The following COP1 variants were observed in gnomAD, a reference collection of about 807,000 sequenced individuals.
The protein encoded by COP1 is E3 ubiquitin-protein ligase COP1.
Under a neutral mutation model 101.3 loss-of-function variants are expected in COP1, and 24 were observed. The ratio of observed to expected loss-of-function variants is 0.24; its 90% confidence interval spans 0.17 to 0.33. COP1 has a LOEUF of 0.33. COP1 is among the 10% of genes least tolerant of loss of function. The probability of loss-of-function intolerance (pLI) is 1.00; values close to 1 mark genes in which losing one functional copy is unlikely to be tolerated. For synonymous variants in COP1, 347 were observed against 341.9 expected, an observed-to-expected ratio of 1.01 and a Z score of -0.17; for missense variants, 663 against 906.2, an observed-to-expected ratio of 0.73 and a Z score of 3.45.
chr1:176,093,695 C>A (rs1681780516), intron 9 of COP1, among the ~76,000 whole-genome samples: 1 of 152,088 alleles, frequency 6.6e-6, no homozygotes, highest in South Asian at 2.1e-4. Flanking sequence ...AAAAAATTAG[C>A]CAAATGTGGT....
intron 11 of COP1, among the ~76,000 whole-genome samples, chr1:176,061,577 G>C (rs1348461563): frequency 6.6e-6 from 1 of 152,090 alleles, no homozygotes; most frequent in South Asian, 2.1e-4. Flanking sequence ...AGTCAGCCGT[G>C]ATCACGCCAT....
chr1:176,009,877 T>G (rs1267934948), intron 15 of COP1, among the ~76,000 whole-genome samples: 22 of 103,624 alleles, frequency 2.1e-4, no homozygotes, highest in African/African-American at 4.1e-4. Flanking sequence ...TTAGGTTACT[T>G]GGGGGGGGGG....
At chr1:175,972,184 A>G (rs1285983368) in intron 18 of COP1, among the ~76,000 whole-genome samples, 3 of 152,232 alleles carry the variant, frequency 2.0e-5, no homozygotes, top group Admixed American at 6.5e-5. Context: ...AAGTCTAAAT[A>G]TAACAAGTAT....
chr1:175,962,892 T>C (rs1347669788), intron 18 of COP1, among the ~76,000 whole-genome samples: 1 of 152,204 alleles, frequency 6.6e-6, no homozygotes, highest in Non-Finnish European at 1.5e-5. Flanking sequence ...TACTAGAAGG[T>C]AGAAGTTAAT....
intron 14 of COP1, among the ~76,000 whole-genome samples, chr1:176,036,520 A>AAAC (rs1553232074): frequency 5.6e-5 from 8 of 143,762 alleles, no homozygotes; most frequent in African/African-American, 1.8e-4. Context: ...AAAAAAAAAA[A>AAAC]AAAAAAGCAT....
chr1:176,061,310 G>A (rs1035273744), intron 11 of COP1, among the ~76,000 whole-genome samples: 2 of 152,206 alleles, frequency 1.3e-5, no homozygotes, highest in Admixed American at 6.5e-5. Context: ...AGGAACAAGT[G>A]GGTATCTCTA....
intron 6 of COP1, 26 bp downstream of exon 6, chr1:176,148,980 T>C (rs1342835304): frequency 2.1e-6 from 3 of 1,405,430 alleles, no homozygotes; most frequent in Non-Finnish European, 2.9e-6. Flanking sequence ...AATAAAACAT[T>C]ATGTAAAACA....
At chr1:176,045,597 A>C (rs1671380198) in intron 12 of COP1, among the ~76,000 whole-genome samples, 1 of 151,546 alleles carries the variant, frequency 6.6e-6, no homozygotes, top group Non-Finnish European at 1.5e-5. Flanking sequence ...AAAAAAAAAA[A>C]AAGCAGATTC....
In COP1 at chr1:176,167,653, CA is replaced by C. The variant is rs200510116; in HGVS notation, c.566-3763del. On this transcript the variant is annotated intron_variant, in intron 3 of 19. Transcript: ENST00000367669. ...TACTAAGAACAAACATTTCTTAGTACAAAAAAAAATGCATTTTAATGCTAAA... is the reference window on the plus strand; with the variant it reads ...TACTAAGAACAAACATTTCTTAGTACAAAAAAAATGCATTTTAATGCTAAA... Among the ~76,000 whole-genome samples the C allele has an allele frequency of 4.7e-5, 7 of 150,470 alleles. No individual in the cohort carries two copies. In the South Asian group the frequency reaches 8.4e-4, roughly 18 times the overall value.
intron 11 of COP1, among the ~76,000 whole-genome samples, chr1:176,058,183 A>AGGG (rs1553244845): frequency 1.5e-3 from 171 of 113,938 alleles, no homozygotes; most frequent in Admixed American, 2.3e-3. Context: ...CCCGGTAGGG[A>AGGG]GGGGGGGGGT....
chr1:175,984,329 G>A (rs1398769024), intron 18 of COP1, among the ~76,000 whole-genome samples: 1 of 152,254 alleles, frequency 6.6e-6, no homozygotes, highest in African/African-American at 2.4e-5. Context: ...TGGCTTCAGA[G>A]GGTGCAAGCC....
intron 9 of COP1, chr1:176,100,176 G>C (rs1333694729): frequency 5.9e-6 from 1 of 170,622 alleles, no homozygotes; most frequent in Non-Finnish European, 1.3e-5. Flanking sequence ...TATCACCTGA[G>C]GTCAGGAGTT....
intron 11 of COP1, among the ~76,000 whole-genome samples, chr1:176,051,607 C>T (rs1368188293): frequency 6.6e-6 from 1 of 152,032 alleles, no homozygotes; most frequent in African/African-American, 2.4e-5. Flanking sequence ...AACTGTAAAG[C>T]AGCCGCAGGC....
At chr1:176,123,451 T>C (rs536345017) in intron 8 of COP1, among the ~76,000 whole-genome samples, 73 of 152,112 alleles carry the variant, frequency 4.8e-4, no homozygotes, top group Non-Finnish European at 9.4e-4. Context: ...AGTATATCTA[T>C]AATAATTAAA....
At chr1:176,147,702 T>G (rs192379874) in intron 6 of COP1, among the ~76,000 whole-genome samples, 1 of 152,272 alleles carries the variant, frequency 6.6e-6, no homozygotes, top group Non-Finnish European at 1.5e-5. Context: ...AAAAACACTA[T>G]GCCAAAGCTA....
At position 176,096,770 on chromosome 1, in the gene COP1, T is replaced by C. The variant is rs867019686; in HGVS notation, c.1027-10880A>G. Among the ~76,000 whole-genome samples, 14 of 152,350 alleles carry C rather than the reference T, an allele frequency of 9.2e-5. No homozygotes were observed. In the Middle Eastern group the frequency reaches 0.014, roughly 148 times the overall value. ...TTTAACTATGAAAAAGGATTTATAT[T>C]GGTCTTAAGCTGTAGCCAATCTGGT... On this transcript the variant is annotated intron_variant, in intron 9 of 19. Transcript: ENST00000367669.
intron 15 of COP1, among the ~76,000 whole-genome samples, chr1:176,023,473 C>G (rs1421663478): frequency 1.3e-5 from 2 of 152,142 alleles, no homozygotes; most frequent in African/African-American, 4.8e-5. Context: ...AATCCCAGCA[C>G]TTTGGGAGGC....
intron 1 of COP1, among the ~76,000 whole-genome samples, chr1:176,199,186 G>A (rs1217054783): frequency 1.3e-5 from 2 of 151,950 alleles, no homozygotes; most frequent in Non-Finnish European, 2.9e-5. Context: ...GCATGGTGGC[G>A]GGCGCCTGTA....
chr1:176,097,267 G>A (rs936985391), intron 9 of COP1, among the ~76,000 whole-genome samples: 4 of 150,720 alleles, frequency 2.7e-5, no homozygotes, highest in Non-Finnish European at 5.9e-5. Flanking sequence ...ATTTTTCCTT[G>A]CCACTCTCAA....
Sources: gnomAD v4.1 joint callset for allele counts (sites outside exome capture counted in the v4.1 genomes callset) on GRCh38, gnomAD v4.1.1 for gene constraint, MANE v1.5 for transcripts, NCBI Gene and HGNC (gene_info 2026-07-23, HGNC 2026-07-21) for gene names.